Variants in AGAP4 observed in about 807,000 individuals in gnomAD.
AGAP4 encodes the protein arf-GAP with GTPase, ANK repeat and PH domain-containing protein 4.
A neutral mutation model predicts 60.7 loss-of-function variants in AGAP4; 13 were observed. The ratio of observed to expected loss-of-function variants is 0.21; its 90% confidence interval spans 0.14 to 0.34. The LOEUF (loss-of-function observed/expected upper bound fraction) is 0.34, where lower values mean the gene tolerates loss of function less well. AGAP4 is among the 10% of genes least tolerant of loss of function. The pLI is 1.00. For missense variants in AGAP4, 169 were observed against 884.0 expected (o/e 0.19, Z 10.26); for synonymous variants, 70 against 339.0 (o/e 0.21, Z 8.72).
chr10:45,849,473 G>GATGATGATTATT (rs1554900083), upstream of AGAP4, among the ~76,000 whole-genome samples: 1,315 of 141,498 alleles, frequency 9.3e-3, no homozygotes, highest in Admixed American at 0.013. Context: ...TGATGATGAT[G>GATGATGATTATT]ATTATTATTA....
intron 3 of AGAP4, among the ~76,000 whole-genome samples, chr10:45,842,404 G>C (rs1484245655): frequency 1.3e-5 from 2 of 150,308 alleles, no homozygotes; most frequent in African/African-American, 4.9e-5. Flanking sequence ...ACCATGCCTA[G>C]CTAATTGTTT....
In AGAP4 at chr10:45,844,327, A is replaced by G. The variant is rs2058967049; in HGVS notation, c.360T>C (p.Asp120=). The change falls in exon 3 of 8, where the codon GAT becomes GAC. Residue 120 remains aspartate, a splice_region_variant and synonymous_variant. Transcript: ENST00000616763. ...STIFQRNSQT[D]VVEIRRSNCT... ...GTGGAAAAAACAATGTCGTCTCACCATCTGTTTGAGAGTTCCTCTGGAATA... is the reference window on the plus strand; with the variant it reads ...GTGGAAAAAACAATGTCGTCTCACCGTCTGTTTGAGAGTTCCTCTGGAATA... 8 of 1,594,418 alleles carry G rather than the reference A, an allele frequency of 5.0e-6. No individual in the cohort carries two copies. In the South Asian group the frequency reaches 7.7e-5, roughly 15 times the overall value.
At chr10:45,836,852 G>A (rs1275818683) in intron 4 of AGAP4, among the ~76,000 whole-genome samples, 1 of 138,894 alleles carries the variant, frequency 7.2e-6, no homozygotes, top group Admixed American at 7.0e-5. Context: ...AAACCCATTT[G>A]ATCATGGTGG....
chr10:45,830,090 C>A (rs1169475817), intron 6 of AGAP4, among the ~76,000 whole-genome samples: 17 of 148,768 alleles, frequency 1.1e-4, no homozygotes, highest in African/African-American at 4.2e-4. Flanking sequence ...TTAGTGTTAA[C>A]AAATACCCAC....
chr10:45,849,475 T>TGA (rs1279482040), upstream of AGAP4, among the ~76,000 whole-genome samples: 27,129 of 127,322 alleles, frequency 0.21, 1,709 homozygotes, highest in South Asian at 0.44. Context: ...ATGATGATGA[T>TGA]TATTATTATT....
At chr10:45,841,493 G>A (rs2058918301) in intron 4 of AGAP4, 160 bp downstream of exon 4, 1 of 633,984 alleles carries the variant, frequency 1.6e-6, no homozygotes, top group South Asian at 2.2e-5. Flanking sequence ...GCACTTTTCT[G>A]GATAAATTTA....
upstream of AGAP4, among the ~76,000 whole-genome samples, chr10:45,852,232 A>AG (rs1432181668): frequency 7.0e-6 from 1 of 143,668 alleles, no homozygotes; most frequent in Non-Finnish European, 1.5e-5. Context: ...AAAAAAAAAA[A>AG]AAAAAAAAAA....
chr10:45,844,302 G>A, intron 3 of AGAP4, 24 bp downstream of exon 3: 1 of 1,593,718 alleles, frequency 6.3e-7, no homozygotes, highest in Non-Finnish European at 8.5e-7. Flanking sequence ...CTTTCTCTTG[G>A]TGGAAAAAAC....
chr10:45,840,076 A>C (rs1355007648), intron 4 of AGAP4, among the ~76,000 whole-genome samples: 42 of 150,012 alleles, frequency 2.8e-4, no homozygotes, highest in African/African-American at 1.0e-3. Flanking sequence ...GATAGTCTGC[A>C]GGTTTAGTAG....
chr10:45,841,908 C>G (rs1482838564), intron 3 of AGAP4, among the ~76,000 whole-genome samples: 1 of 151,774 alleles, frequency 6.6e-6, no homozygotes, highest in Non-Finnish European at 1.5e-5. Context: ...GTTTCTATTA[C>G]ACACAAATGA....
At chr10:45,838,938 TG>T (rs1190169859) in intron 4 of AGAP4, among the ~76,000 whole-genome samples, 1 of 137,030 alleles carries the variant, frequency 7.3e-6, no homozygotes, top group Non-Finnish European at 1.6e-5. Context: ...AGGAGAAAAG[TG>T]TAATATGCTT....
chr10:45,830,621 G>A (rs1430250147), intron 6 of AGAP4, among the ~76,000 whole-genome samples: 4 of 123,906 alleles, frequency 3.2e-5, no homozygotes, highest in African/African-American at 1.2e-4. Flanking sequence ...GAATAGGTGG[G>A]ACTACAGGTG....
At chr10:45,838,674 C>T (rs1189297832) in intron 4 of AGAP4, among the ~76,000 whole-genome samples, 8 of 151,022 alleles carry the variant, frequency 5.3e-5, no homozygotes, top group East Asian at 1.9e-4. Context: ...TGAGCTCAAG[C>T]GATCCTCTGC....
intron 2 of AGAP4, among the ~76,000 whole-genome samples, chr10:45,846,148 T>A (rs1167286189): frequency 6.6e-6 from 1 of 150,478 alleles, no homozygotes; most frequent in South Asian, 2.1e-4. Flanking sequence ...GTCACCAGAA[T>A]AAATCTGGAG....
intron 4 of AGAP4, among the ~76,000 whole-genome samples, chr10:45,840,166 G>A (rs1373732269): frequency 0.049 from 7,254 of 147,312 alleles, 254 homozygotes; most frequent in Non-Finnish European, 0.069. Flanking sequence ...AAAAGCTTCC[G>A]CAGATAACTA....
At chr10:45,844,813 T>G (rs1189507298) in intron 2 of AGAP4, among the ~76,000 whole-genome samples, 3 of 146,046 alleles carry the variant, frequency 2.1e-5, no homozygotes, top group Non-Finnish European at 4.5e-5. Context: ...GTTTTTAAAA[T>G]TTTTAAAAAG....
At chr10:45,837,442 G>A (rs2058839358) in intron 4 of AGAP4, among the ~76,000 whole-genome samples, 1 of 150,456 alleles carries the variant, frequency 6.6e-6, no homozygotes, top group Non-Finnish European at 1.5e-5. Flanking sequence ...CAAATCTGGA[G>A]GCATGACATT....
In AGAP4 at chr10:45,834,097, C is replaced by T; in HGVS notation, c.416G>A (p.Ser139Asn). 2 of 1,591,806 alleles carry T rather than the reference C, an allele frequency of 1.3e-6. No individual in the cohort carries two copies. Among genetic ancestry groups the T allele is most frequent in the Non-Finnish European group, 1.7e-6 (2 of 1,169,782 alleles). Residue 139 changes from serine to asparagine, a missense_variant, in exon 5 of 8, where the codon AGT (serine) becomes AAT (asparagine). Ser to Asn is a conservative substitution (Grantham distance 46). Transcript: ENST00000616763. ...CTNHVSTVRF[S>N]QQYSLCSTIF... ...TGTCGAACACAAGCTGTATTGTTGA[C>T]TGAAACGCACAGTAGATACCTGAAG...
rs4042902 is a variant in AGAP4 at position 45,838,080 on chromosome 10, C to CAT, written c.396+3571_396+3572dup. ...GGATAAAGAAACCGTGATATACATA[C>CAT]ATATATATATATATATGAGGAATAC... is the stretch of plus-strand genomic sequence containing the variant. On this transcript the variant is annotated intron_variant, in intron 4 of 7. Transcript: ENST00000616763. Among the ~76,000 whole-genome samples, 913 of 146,340 alleles carry CAT rather than the reference C, an allele frequency of 6.2e-3. 52 individuals are homozygous for CAT. Among genetic ancestry groups the CAT allele is most frequent in the African/African-American group, 0.016 (621 of 37,712 alleles).
Sources: allele counts gnomAD v4.1 joint callset (sites outside exome capture counted in the v4.1 genomes callset), GRCh38; gene constraint gnomAD v4.1.1; transcripts MANE v1.5; gene names NCBI Gene and HGNC (gene_info 2026-07-23, HGNC 2026-07-21).